The following KLB variants were observed in gnomAD, a reference collection of about 807,000 sequenced individuals.
The protein encoded by KLB is klotho beta, also known as beta-klotho.
In KLB, 44 loss-of-function variants were observed where a neutral mutation model predicts 88.4. The ratio of observed to expected loss-of-function variants is 0.50; its 90% CI spans 0.39 to 0.64. The LOEUF (loss-of-function observed/expected upper bound fraction) is 0.64. Ranked by LOEUF, KLB falls within the 30% of genes least tolerant of loss-of-function variation. The pLI is 0.00. For missense variants in KLB, 1,137 were observed against 1,304.8 expected (o/e 0.87, Z 1.98); for synonymous variants, 548 against 513.4 (o/e 1.07, Z -0.91).
At chr4:39,419,210 T>C (rs1485047782) in intron 1 of KLB, among the ~76,000 whole-genome samples, 1 of 152,180 alleles carries the variant, frequency 6.6e-6, no homozygotes, top group Non-Finnish European at 1.5e-5. Flanking sequence ...TATACTTCAG[T>C]AAATGATTAA....
intron 1 of KLB, among the ~76,000 whole-genome samples, chr4:39,417,025 C>T (rs573606402): frequency 6.6e-6 from 1 of 151,964 alleles, no homozygotes; most frequent in East Asian, 1.9e-4. Context: ...TAGATGGAGC[C>T]TTTTTAGTTT....
chr4:39,428,423 C>A (rs1256664411), intron 1 of KLB, among the ~76,000 whole-genome samples: 3 of 87,826 alleles, frequency 3.4e-5, no homozygotes, highest in Non-Finnish European at 2.7e-5. Flanking sequence ...AGTGAAACTA[C>A]GTCTCAAAAA....
At chr4:39,428,166 C>T (rs1046315989) in intron 1 of KLB, among the ~76,000 whole-genome samples, 6 of 152,112 alleles carry the variant, frequency 3.9e-5, no homozygotes, top group Non-Finnish European at 8.8e-5. Context: ...GTGGCTCACG[C>T]CTGTAACCCC....
intron 3 of KLB, among the ~76,000 whole-genome samples, chr4:39,439,003 C>CTTTT (rs1343702750): frequency 7.1e-6 from 1 of 139,978 alleles, no homozygotes; most frequent in Non-Finnish European, 1.6e-5. Flanking sequence ...TCTACTTCAT[C>CTTTT]TTTTTTTTTT....
chr4:39,408,329 G>A (rs1489587902), intron 1 of KLB, among the ~76,000 whole-genome samples: 1 of 152,072 alleles, frequency 6.6e-6, no homozygotes, highest in African/African-American at 2.4e-5. Context: ...ATTGTTATGG[G>A]AGCTAAACAC....
chr4:39,443,581 T>A, intron 3 of KLB, among the ~76,000 whole-genome samples: 1 of 99,866 alleles, frequency 1.0e-5, no homozygotes, highest in African/African-American at 4.2e-5. Flanking sequence ...CGTGGCAAAA[T>A]CCTGTCTCTA....
At position 39,446,364 on chromosome 4, in the gene KLB, C is replaced by T. The variant is rs769062490; in HGVS notation, c.1638C>T (p.Ser546=). 1.6e-5 allele frequency: 26 copies of T among 1,614,056 alleles called. 1 individual carries two copies. The South Asian group carries it at 2.7e-4, about 17-fold the overall frequency. Residue 546 remains serine, a synonymous_variant, in exon 4 of 5, where the codon AGC becomes AGT. Transcript: ENST00000257408. This position sits in a 1 kb window ranked among gnomAD's most constrained non-coding sequence, Gnocchi z 6.4. ...CTGTGGCTTCGTCCCCACAGTTCAGCGATCCTCATCTGTACGTGTGGAACG... is the reference window on the plus strand; with the variant it reads ...CTGTGGCTTCGTCCCCACAGTTCAGTGATCCTCATCTGTACGTGTGGAACG... ...PESVASSPQF[S]DPHLYVWNAT...
intron 1 of KLB, among the ~76,000 whole-genome samples, chr4:39,413,001 A>G (rs1224271158): frequency 6.6e-6 from 1 of 152,204 alleles, no homozygotes; most frequent in Non-Finnish European, 1.5e-5. Flanking sequence ...CAGAAATCTA[A>G]TTCAAATTGG....
At chr4:39,440,590 T>C (rs1743577244) in intron 3 of KLB, among the ~76,000 whole-genome samples, 2 of 152,052 alleles carry the variant, frequency 1.3e-5, no homozygotes, top group Admixed American at 1.3e-4. Flanking sequence ...ATTTATATAG[T>C]TATTTATTTT....
intron 1 of KLB, among the ~76,000 whole-genome samples, chr4:39,431,771 C>T (rs890029139): frequency 1.3e-5 from 2 of 152,220 alleles, no homozygotes; most frequent in African/African-American, 4.8e-5. Context: ...CTACTTTCCC[C>T]ATCTAACAGG....
rs1179065196 is a variant in KLB, at chr4:39,434,556, A to C, written c.1172A>C (p.Asn391Thr). 17 of 1,614,068 alleles carry C rather than the reference A, an allele frequency of 1.1e-5. No homozygotes were observed. Among genetic ancestry groups the C allele is most frequent in the Non-Finnish European group, 1.4e-5 (17 of 1,180,034 alleles). The change falls in exon 2 of 5, where the codon AAT becomes ACT. Residue 391 changes from asparagine (N) to threonine (T), a missense_variant. Asn to Thr is a moderately conservative substitution (Grantham distance 65). Coordinates refer to ENST00000257408, the MANE Select transcript of KLB (RefSeq NM_175737.4). Reference protein sequence around the residue: ...PLNTMAKMGQNVSLNLREALN... With the variant: ...PLNTMAKMGQTVSLNLREALN... ...AACACCATGGCTAAAATGGGACAAA[A>C]TGTTTCACTTAATTTAAGAGAAGCG...
intron 3 of KLB, among the ~76,000 whole-genome samples, chr4:39,439,436 T>C (rs564715475): frequency 7.0e-6 from 1 of 142,382 alleles, no homozygotes; most frequent in East Asian, 2.1e-4. Flanking sequence ...CAATATTGCA[T>C]TGTTTTTTGT....
rs750815776 is a variant in KLB at position 39,407,667 on chromosome 4, C to T, written c.718C>T (p.His240Tyr). The change falls in exon 1 of 5, where the codon CAC becomes TAC. Residue 240 changes from histidine (H) to tyrosine (Y), a missense_variant. Physicochemically the swap from His to Tyr is moderately conservative, Grantham distance 83 (BLOSUM62 2). Around this residue, in one of 4 missense-constraint regions of KLB, gnomAD observed 597 missense variants for 765.2 expected, o/e 0.78. Coordinates refer to ENST00000257408, the MANE Select transcript of KLB (RefSeq NM_175737.4). ...CCGTGTCAAATATTGGATTACAATTCACAACCCATATCTAGTGGCTTGGCA... is the reference window on the plus strand; with the variant it reads ...CCGTGTCAAATATTGGATTACAATTTACAACCCATATCTAGTGGCTTGGCA... ...GDRVKYWITI[H>Y]NPYLVAWHGY... 6.2e-7 allele frequency: 1 copy of T among 1,614,020 alleles called. No homozygotes were observed. The highest frequency in any genetic ancestry group is 8.5e-7 in the Non-Finnish European group (1 of 1,179,914).
chr4:39,449,936 A>T lies in KLB; in HGVS notation c.*1250A>T, dbSNP rs929916274. On this transcript the variant is annotated 3_prime_UTR_variant, in exon 5 of 5. Transcript: ENST00000257408. ...CAAGACTGTCTCTCAAAATAAAAAA[A>T]AATAATAAAAATAAAAATAAAAGTA... The T allele has an allele frequency of 6.3e-5, 9 of 142,130 alleles. No individual in the cohort carries two copies. The highest frequency in any genetic ancestry group is 2.2e-4 in the South Asian group (1 of 4,648). The allele number at this position is 142,130 out of a possible 1,614,324, so 8.8% of individuals were successfully genotyped here. A position where few individuals can be genotyped will look rare whatever the true frequency, so the allele number is the denominator to read the frequency against.
At chr4:39,447,564 G>C in intron 4 of KLB, 89 bp downstream of exon 4, 1 of 1,138,400 alleles carries the variant, frequency 8.8e-7, no homozygotes, top group Non-Finnish European at 1.2e-6. Flanking sequence ...GCTGGTGCCT[G>C]ACAGCATCCA....
intron 1 of KLB, among the ~76,000 whole-genome samples, chr4:39,412,656 C>A (rs1044832932): frequency 1.3e-5 from 2 of 152,150 alleles, no homozygotes; most frequent in African/African-American, 4.8e-5. Context: ...TTTAAGTGCC[C>A]CTTCTGCTGG....
At chr4:39,442,436 T>C (rs59159995) in intron 3 of KLB, among the ~76,000 whole-genome samples, 9,478 of 88,358 alleles carry the variant, frequency 0.11, 338 homozygotes, top group African/African-American at 0.16. Context: ...CTCTCTCCCC[T>C]TTTTTTTTTT....
chr4:39,449,251 A>G lies in KLB; in HGVS notation c.*565A>G, dbSNP rs1191439345. ...GCTGAGGCAGAAGTTTGAACCCAGG[A>G]AACAGGTTACAGTAGGCCAAAATTG... On this transcript the variant is annotated 3_prime_UTR_variant, in exon 5 of 5. Transcript: ENST00000257408. 1.3e-5 allele frequency: 2 copies of G among 152,014 alleles called. No homozygotes were observed. Among genetic ancestry groups the G allele is most frequent in the African/African-American group, 4.8e-5 (2 of 41,326 alleles). 9.4% of individuals were successfully genotyped at this position (152,014 alleles called of 1,614,324 possible). A position where few individuals can be genotyped will look rare whatever the true frequency, so the allele number is the denominator to read the frequency against.
chr4:39,446,992 T>A lies in KLB; in HGVS notation c.2266T>A (p.Ser756Thr), dbSNP rs764062270. 2 of 1,609,536 alleles carry A rather than the reference T, an allele frequency of 1.2e-6. No individual in the cohort carries two copies. The highest frequency in any genetic ancestry group is 2.2e-5 in the South Asian group (2 of 91,078). Residue 756 changes from serine to threonine, a missense_variant, in exon 4 of 5, where the codon TCG becomes ACG. Coordinates refer to ENST00000257408, the MANE Select transcript of KLB (RefSeq NM_175737.4). The surrounding 1 kb of genome is among the most constrained non-coding windows in gnomAD (Gnocchi z 6.4). ...GGAACCCGCCAACCCCTATGCTGAC[T>A]CGCACTGGAGGGCGGCCGAGCGCTT... ...WAEPANPYADSHWRAAERFLQ... is the reference protein window; with the variant it reads ...WAEPANPYADTHWRAAERFLQ...
Sources: gnomAD v4.1 joint callset for allele counts (sites outside exome capture counted in the v4.1 genomes callset) on GRCh38, gnomAD v4.1.1 for gene constraint, gnomAD v4.1.1 regional missense constraint, Gnocchi (gnomAD v3.1) non-coding constraint, MANE v1.5 for transcripts, NCBI Gene and HGNC (gene_info 2026-07-23, HGNC 2026-07-21) for gene names.